GLDC: variants seen among roughly 807,000 people sequenced by gnomAD.
GLDC encodes glycine dehydrogenase (decarboxylating), mitochondrial.
In GLDC, 104 loss-of-function variants were observed where a neutral mutation model predicts 121.3. The ratio of observed to expected loss-of-function variants is 0.86; its 90% CI spans 0.73 to 1.01. The LOEUF is 1.01. GLDC is among the 50% of genes least tolerant of loss of function. The pLI, the probability that GLDC is intolerant of heterozygous loss-of-function variation, is 0.00. For synonymous variants in GLDC, 546 were observed against 480.6 expected, an observed-to-expected ratio of 1.14 and a Z score of -1.78; for missense variants, 1,429 against 1,306.6, an observed-to-expected ratio of 1.09 and a Z score of -1.44.
chr9:6,619,203 T>A (rs1430439282), intron 3 of GLDC, among the ~76,000 whole-genome samples: 1 of 143,172 alleles, frequency 7.0e-6, no homozygotes, highest in Non-Finnish European at 1.5e-5. Context: ...CTTATCTAAC[T>A]GTTGAGGTAA....
intron 2 of GLDC, chr9:6,639,668 A>AAAAATATATATAT: frequency 3.3e-4 from 83 of 250,526 alleles, no homozygotes; most frequent in African/African-American, 2.3e-3. Context: ...ATAAAAAAAA[A>AAAAATATATATAT]GTATATATAT....
chr9:6,533,188 G>A (rs1290646237), intron 24 of GLDC, 28 bp from the exon 25 acceptor site: 1 of 1,610,716 alleles, frequency 6.2e-7, no homozygotes, highest in Non-Finnish European at 8.5e-7. Context: ...TGGAAATGCT[G>A]TGAGATGTTC....
chr9:6,611,543 A>G (rs527992586), intron 3 of GLDC, among the ~76,000 whole-genome samples: 19 of 135,014 alleles, frequency 1.4e-4, no homozygotes, highest in Non-Finnish European at 2.1e-4. Context: ...GCAACAGAGC[A>G]AGACTCCGTC....
At chr9:6,563,465 G>A (rs1375209457) in intron 16 of GLDC, among the ~76,000 whole-genome samples, 1 of 152,180 alleles carries the variant, frequency 6.6e-6, no homozygotes, top group African/African-American at 2.4e-5. Flanking sequence ...AGGCTCCTGG[G>A]CACCTCGTGG....
At chr9:6,576,414 C>G (rs573335811) in intron 15 of GLDC, among the ~76,000 whole-genome samples, 1 of 152,216 alleles carries the variant, frequency 6.6e-6, no homozygotes, top group East Asian at 1.9e-4. Context: ...AATTACCTGC[C>G]AAAGCTCCCA....
intron 2 of GLDC, among the ~76,000 whole-genome samples, chr9:6,628,615 G>A (rs1163673267): frequency 1.3e-5 from 2 of 152,216 alleles, no homozygotes; most frequent in Non-Finnish European, 2.9e-5. Context: ...GTGAGACCTC[G>A]TCTCTACAAA....
chr9:6,606,828 T>G (rs1484133209), intron 4 of GLDC, among the ~76,000 whole-genome samples, 159 bp from the exon 5 acceptor site: 1 of 152,088 alleles, frequency 6.6e-6, no homozygotes, highest in Non-Finnish European at 1.5e-5. Flanking sequence ...ATCCCAGCAC[T>G]TTGGGAGGCC....
At chr9:6,627,048 C>A (rs1345726159) in intron 2 of GLDC, among the ~76,000 whole-genome samples, 1 of 152,116 alleles carries the variant, frequency 6.6e-6, no homozygotes, top group Non-Finnish European at 1.5e-5. Context: ...GTAATCCCAG[C>A]ACTTTGGGAG....
intron 16 of GLDC, among the ~76,000 whole-genome samples, chr9:6,559,606 G>T: frequency 6.6e-6 from 1 of 151,434 alleles, no homozygotes; most frequent in Non-Finnish European, 1.5e-5. Context: ...GTGGAGGTCA[G>T]GAGTTCAAGA....
chr9:6,560,647 A>G (rs1312460982), intron 16 of GLDC, among the ~76,000 whole-genome samples: 2 of 152,228 alleles, frequency 1.3e-5, no homozygotes, highest in Non-Finnish European at 2.9e-5. Context: ...TTAAAAATAA[A>G]TATAAAATAT....
At chr9:6,558,802 G>T in intron 16 of GLDC, 118 bp from the exon 17 acceptor site, 2 of 1,045,716 alleles carry the variant, frequency 1.9e-6, no homozygotes, top group Non-Finnish European at 1.5e-6. Context: ...TTTTATTTAG[G>T]CTGAACACTA....
At chr9:6,554,928 A>C (rs1817589250) in intron 18 of GLDC, 147 bp from the exon 19 acceptor site, 4 of 709,452 alleles carry the variant, frequency 5.6e-6, no homozygotes, top group Middle Eastern at 3.0e-4. Flanking sequence ...AATGTCCTCT[A>C]TACTGGCCCA....
intron 15 of GLDC, chr9:6,566,602 C>A (rs7039182): frequency 0.68 from 103,093 of 151,934 alleles, 36,324 homozygotes; most frequent in African/African-American, 0.85. Context: ...GGGCATATGC[C>A]ATGACTAACA....
At chr9:6,555,103 A>C (rs1204957672) in intron 18 of GLDC, among the ~76,000 whole-genome samples, 20 of 152,254 alleles carry the variant, frequency 1.3e-4, no homozygotes, top group Admixed American at 1.3e-3. Flanking sequence ...TCTCTAACAC[A>C]AGAAAGGGCA....
Position 6,540,076 on chromosome 9 carries a change from ATCCACAGCC to A in GLDC, c.2631_2639del (p.Glu877_Val879del), listed in dbSNP as rs1554642294. The stretch of plus-strand genomic sequence containing the variant: ...CATAATCCTGGAGTCTCTTGGCCAC[ATCCACAGCC>A]TCAATATTTGCAGACTTTTTGAAGG... On this transcript the variant is annotated inframe_deletion, in exon 22 of 25. Coordinates refer to ENST00000321612, the MANE Select transcript of GLDC (RefSeq NM_000170.3). The A allele has an allele frequency of 1.2e-6, 2 of 1,612,290 alleles. No homozygotes were observed. The highest frequency in any genetic ancestry group is 1.7e-6 in the Non-Finnish European group (2 of 1,178,460).
At chr9:6,629,665 A>G (rs995905981) in intron 2 of GLDC, among the ~76,000 whole-genome samples, 3 of 151,612 alleles carry the variant, frequency 2.0e-5, no homozygotes, top group Non-Finnish European at 4.4e-5. Flanking sequence ...CATTACCCCA[A>G]ACATAACCCT....
At chr9:6,548,865 C>T (rs1359265647) in intron 21 of GLDC, among the ~76,000 whole-genome samples, 1 of 152,150 alleles carries the variant, frequency 6.6e-6, no homozygotes, top group Non-Finnish European at 1.5e-5. Context: ...GCTCTCCCTT[C>T]TCACAGCTTA....
intron 1 of GLDC, chr9:6,644,948 G>A (rs190820220): frequency 3.3e-6 from 2 of 611,534 alleles, no homozygotes; most frequent in Non-Finnish European, 2.9e-6. Flanking sequence ...CTTAATCAGG[G>A]GGTCTTCCTC....
At chr9:6,629,284 G>A (rs189055130) in intron 2 of GLDC, among the ~76,000 whole-genome samples, 50 of 150,480 alleles carry the variant, frequency 3.3e-4, no homozygotes, top group African/African-American at 1.1e-3. Context: ...GTGCGATCTC[G>A]GCTCACTGCA....
Sources: allele counts gnomAD v4.1 joint callset (sites outside exome capture counted in the v4.1 genomes callset), GRCh38; gene constraint gnomAD v4.1.1; transcripts MANE v1.5; gene names NCBI Gene and HGNC (gene_info 2026-07-23, HGNC 2026-07-21).